Variants in ZBTB25 observed in about 807,000 individuals in gnomAD.
The protein encoded by ZBTB25 is zinc finger and BTB domain containing 25, also known as zinc finger and BTB domain-containing protein 25.
Under a neutral mutation model 34.2 loss-of-function variants are expected in ZBTB25, and 20 were observed. That is an observed-to-expected ratio of 0.58 (90% CI 0.41 to 0.85). The LOEUF (loss-of-function observed/expected upper bound fraction) is 0.85. Ranked by LOEUF, ZBTB25 falls within the 40% of genes least tolerant of loss-of-function variation. ZBTB25 has a pLI of 0.00. For synonymous variants in ZBTB25, 175 were observed against 186.4 expected (o/e 0.94, Z 0.50); for missense variants, 437 against 521.8 (o/e 0.84, Z 1.58).
intron 2 of ZBTB25, chr14:64,462,191 C>A (rs1173285337): frequency 2.6e-5 from 4 of 152,144 alleles, no homozygotes; most frequent in African/African-American, 7.3e-5. Flanking sequence ...GCTGCTGAGG[C>A]AGGAGGATCA....
chr14:64,491,154 G>T lies in ZBTB25; in HGVS notation c.-7-614C>A, dbSNP rs573896934. Among the ~76,000 whole-genome samples, 9 of 152,216 alleles carry T rather than the reference G, an allele frequency of 5.9e-5. No homozygotes were observed. The South Asian group carries it at 1.7e-3, about 28-fold the overall frequency. On this transcript the variant is annotated intron_variant, in intron 1 of 2. Transcript: ENST00000608382. Reference sequence around the variant, plus strand: ...GTCAAGCCACATCCCCAATTTACTTGTGGCCCAAGAGCCTCCTGAGAAAGA... The same window carrying T: ...GTCAAGCCACATCCCCAATTTACTTTTGGCCCAAGAGCCTCCTGAGAAAGA...
chr14:64,495,584 T>C lies in ZBTB25; in HGVS notation c.-7-5044A>G, dbSNP rs143651648. ...TCTAAAAGCCATAAAAACAGAAGCT[T>C]ATTCATTGCTGTTCTCCTCTTCCAG... On this transcript the variant is annotated intron_variant, in intron 1 of 2. Transcript: ENST00000608382. 1.5e-3 allele frequency among the ~76,000 whole-genome samples: 232 copies of C among 152,342 alleles called. 2 individuals carry two copies. The highest frequency in any genetic ancestry group is 5.4e-3 in the African/African-American group (224 of 41,574).
intron 2 of ZBTB25, among the ~76,000 whole-genome samples, chr14:64,452,549 C>T (rs968116396): frequency 1.3e-5 from 2 of 152,190 alleles, no homozygotes; most frequent in African/African-American, 4.8e-5. Flanking sequence ...GGGACTGAGG[C>T]CCTCACCAGT....
At position 64,483,707 on chromosome 14, in the gene ZBTB25, G is replaced by A. The variant is rs1016304151; in HGVS notation, c.*3216C>T. The stretch of plus-strand genomic sequence containing the variant: ...AAAAAATGCCTGCAGACCCGGGCGC[G>A]GTGGCTCATGCCTGTAATCTGAGGC... On this transcript the variant is annotated 3_prime_UTR_variant, in exon 3 of 3. Transcript: ENST00000608382. The A allele has an allele frequency of 3.3e-5, 5 of 151,928 alleles. No homozygotes were observed. The highest frequency in any genetic ancestry group is 2.1e-4 in the South Asian group (1 of 4,814). The allele number at this position is 151,928 out of a possible 1,614,324, so 9.4% of individuals were successfully genotyped here. A position where few individuals can be genotyped will look rare whatever the true frequency, so the allele number is the denominator to read the frequency against.
chr14:64,456,345 C>T (rs541106048), intron 2 of ZBTB25, among the ~76,000 whole-genome samples: 6 of 152,314 alleles, frequency 3.9e-5, no homozygotes, highest in East Asian at 1.9e-4. Context: ...GGGGCCTTAA[C>T]GAGACTCAGA....
At chr14:64,501,933 A>G (rs1007641689) in intron 1 of ZBTB25, among the ~76,000 whole-genome samples, 3 of 152,228 alleles carry the variant, frequency 2.0e-5, no homozygotes, top group African/African-American at 7.2e-5. Flanking sequence ...CGATTCTCTC[A>G]TTCCCTTCCC....
chr14:64,503,640 G>A (rs1025961899), intron 1 of ZBTB25, 21 bp downstream of exon 1: 3 of 983,842 alleles, frequency 3.0e-6, no homozygotes, highest in South Asian at 9.4e-5. Context: ...CAGCCCACAG[G>A]GGCAGGACCG....
intron 2 of ZBTB25, chr14:64,467,737 G>A (rs1460751946): frequency 6.6e-6 from 1 of 151,936 alleles, no homozygotes; most frequent in Non-Finnish European, 1.5e-5. Flanking sequence ...AATCTCTAAA[G>A]TCCTTTGCAG....
At chr14:64,501,482 C>T (rs750706475) in intron 1 of ZBTB25, among the ~76,000 whole-genome samples, 5 of 152,184 alleles carry the variant, frequency 3.3e-5, no homozygotes, top group Non-Finnish European at 5.9e-5. Flanking sequence ...AGTTCACATG[C>T]TATTTGGAAT....
rs2078832251 is a variant in ZBTB25, at chr14:64,484,006, G to A, written c.*2917C>T. On this transcript the variant is annotated 3_prime_UTR_variant, in exon 3 of 3. Transcript: ENST00000608382. ...AATGAAAACAACAATAACAAAAACTGGGGGTCAGTCCCACACCACTATTCA... is the reference window on the plus strand; with the variant it reads ...AATGAAAACAACAATAACAAAAACTAGGGGTCAGTCCCACACCACTATTCA... The A allele has an allele frequency of 6.8e-6, 1 of 147,078 alleles. No homozygotes were observed. The allele number at this position is 147,078 out of a possible 1,614,324, so 9.1% of individuals were successfully genotyped here.
At chr14:64,490,816 T>A (rs1409883961) in intron 1 of ZBTB25, among the ~76,000 whole-genome samples, 1 of 152,224 alleles carries the variant, frequency 6.6e-6, no homozygotes, top group Non-Finnish European at 1.5e-5. Context: ...GAGTGACACA[T>A]GAAGACAGAC....
chr14:64,454,963 A>AACTCTGCTCACTTG, intron 2 of ZBTB25: 6 of 1,383,612 alleles, frequency 4.3e-6, no homozygotes, highest in Non-Finnish European at 6.2e-6. Flanking sequence ...ATGCCAAGTG[A>AACTCTGCTCACTTG]GCAGAGTTCA....
intron 2 of ZBTB25, among the ~76,000 whole-genome samples, chr14:64,489,540 CTT>C (rs372078564): frequency 4.2e-5 from 6 of 142,426 alleles, no homozygotes; most frequent in African/African-American, 2.6e-5. Flanking sequence ...TTTCCTTTTT[CTT>C]TTTTTTTTTT....
At position 64,486,268 on chromosome 14, in the gene ZBTB25, C is replaced by A. The variant is rs2078859588; in HGVS notation, c.*655G>T. ...AGTCAGCCGAGATCGCGCCACTGCGCCCCAGCCTGGGCGACACAGAGAGAC... is the reference window on the plus strand; with the variant it reads ...AGTCAGCCGAGATCGCGCCACTGCGACCCAGCCTGGGCGACACAGAGAGAC... On this transcript the variant is annotated 3_prime_UTR_variant, in exon 3 of 3. Transcript: ENST00000608382. 1 of 972,550 alleles carries A rather than the reference C, an allele frequency of 1.0e-6. No homozygotes were observed. The highest frequency in any genetic ancestry group is 4.8e-5 in the South Asian group (1 of 21,010). The allele number at this position is 972,550 out of a possible 1,614,324, so 60.2% of individuals were successfully genotyped here.
At chr14:64,502,748 G>A (rs2079537813) in intron 1 of ZBTB25, 2 of 982,136 alleles carry the variant, frequency 2.0e-6, no homozygotes, top group Admixed American at 6.2e-5. Flanking sequence ...CTGGAGCCTT[G>A]GAGTCTTAGC....
At chr14:64,449,786 G>A in intron 2 of ZBTB25, 1 of 815,516 alleles carries the variant, frequency 1.2e-6, no homozygotes, top group Non-Finnish European at 2.0e-6. Context: ...CCCAGCTGTA[G>A]ACAGCCTTCT....
At chr14:64,504,313 G>A (rs560971057), upstream of ZBTB25, among the ~76,000 whole-genome samples, 4 of 152,238 alleles carry the variant, frequency 2.6e-5, no homozygotes, top group East Asian at 1.9e-4. Flanking sequence ...GGGCGAGGTT[G>A]CCGGAGCACT....
Position 64,492,947 on chromosome 14 carries a change from C to T in ZBTB25, c.-7-2407G>A, listed in dbSNP as rs540239047. Among the ~76,000 whole-genome samples the T allele has an allele frequency of 1.2e-4, 18 of 152,140 alleles. No homozygotes were observed. The East Asian group carries it at 3.1e-3, about 26-fold the overall frequency. ...TATGAAATAAATGCATTCAGTAGCA[C>T]AGAGCAGTTAGAGAACATGCTATCA... On this transcript the variant is annotated intron_variant, in intron 1 of 2. Coordinates refer to ENST00000608382, the MANE Select transcript of ZBTB25 (RefSeq NM_006977.5).
At chr14:64,472,622 G>A (rs1358702095) in intron 2 of ZBTB25, 7 of 166,958 alleles carry the variant, frequency 4.2e-5, no homozygotes, top group Non-Finnish European at 8.8e-5. Context: ...AATTAAGTAG[G>A]ATTTCAGTTA....
Sources: gnomAD v4.1 joint callset for allele counts (sites outside exome capture counted in the v4.1 genomes callset) on GRCh38, gnomAD v4.1.1 for gene constraint, MANE v1.5 for transcripts, NCBI Gene and HGNC (gene_info 2026-07-23, HGNC 2026-07-21) for gene names.